FBLN5: variants seen among roughly 807,000 people sequenced by gnomAD.
FBLN5 encodes fibulin 5, also known as fibulin-5.
Under a neutral mutation model 61.6 loss-of-function variants are expected in FBLN5, and 24 were observed. The observed-to-expected ratio is 0.39, with a 90% CI of 0.28 to 0.55. The LOEUF is 0.55. Among genes scored for constraint, FBLN5 ranks in the 20% least tolerant of loss-of-function variants. FBLN5 has a pLI of 0.65. For synonymous variants in FBLN5, 213 were observed against 219.8 expected, an observed-to-expected ratio of 0.97 and a Z score of 0.27; for missense variants, 470 against 594.1, an observed-to-expected ratio of 0.79 and a Z score of 2.17.
chr14:91,911,054 G>C (rs1328626996), intron 4 of FBLN5, among the ~76,000 whole-genome samples: 2 of 151,762 alleles, frequency 1.3e-5, no homozygotes, highest in Non-Finnish European at 2.9e-5. Flanking sequence ...CACGATCTCA[G>C]CTCACTGCAA....
At position 91,882,878 on chromosome 14, in the gene FBLN5, A is replaced by G; in HGVS notation, c.862+76T>C. On this transcript the variant is annotated intron_variant, in intron 8 of 10. Coordinates refer to ENST00000342058, the MANE Select transcript of FBLN5 (RefSeq NM_006329.4). This position sits in a 1 kb window ranked among gnomAD's most constrained non-coding sequence, Gnocchi z 4.9. ...AAAGCTGCACATGATTCCCCAGGTG[A>G]GGATATCCAGATGAGCCCCTGAAGC... 6.5e-7 allele frequency: 1 copy of G among 1,530,378 alleles called. No homozygotes were observed. Among genetic ancestry groups the G allele is most frequent in the East Asian group, 2.3e-5 (1 of 43,578 alleles). 94.8% of individuals were successfully genotyped at this position (1,530,378 alleles called of 1,614,324 possible).
chr14:91,924,160 T>C (rs955265603), intron 4 of FBLN5, among the ~76,000 whole-genome samples: 1 of 152,156 alleles, frequency 6.6e-6, no homozygotes, highest in African/African-American at 2.4e-5. Flanking sequence ...ATTGCAAAAA[T>C]TTTAAAAATT....
chr14:91,932,491 C>T (rs2055941274), intron 4 of FBLN5, among the ~76,000 whole-genome samples: 1 of 152,220 alleles, frequency 6.6e-6, no homozygotes, highest in African/African-American at 2.4e-5. Flanking sequence ...GGATGAAGTG[C>T]TTCCTTGAAA....
chr14:91,941,349 C>T (rs3783937), intron 2 of FBLN5, among the ~76,000 whole-genome samples: 29,079 of 151,970 alleles, frequency 0.19, 3,215 homozygotes, highest in Middle Eastern at 0.35. Flanking sequence ...TCAACAATTC[C>T]AGAGGGTTGT....
chr14:91,885,243 A>C (rs2498841), intron 7 of FBLN5, among the ~76,000 whole-genome samples: 108,359 of 152,116 alleles, frequency 0.71, 39,096 homozygotes, highest in East Asian at 0.84. Context: ...ATCATGGAGA[A>C]CATGGAGGAC....
At chr14:91,898,211 C>CG (rs140311948) in intron 4 of FBLN5, among the ~76,000 whole-genome samples, 3,370 of 150,454 alleles carry the variant, frequency 0.022, 56 homozygotes, top group African/African-American at 0.045. Context: ...TTTTTTTTGG[C>CG]GGGGGGGGCG....
chr14:91,927,534 A>G (rs2055849900), intron 4 of FBLN5, among the ~76,000 whole-genome samples: 2 of 152,262 alleles, frequency 1.3e-5, no homozygotes, highest in Admixed American at 6.5e-5. Context: ...CCTTGACAAC[A>G]AAAGAGATGG....
intron 4 of FBLN5, among the ~76,000 whole-genome samples, chr14:91,931,888 C>A (rs1214116933): frequency 1.3e-5 from 2 of 152,186 alleles, no homozygotes; most frequent in Non-Finnish European, 2.9e-5. Flanking sequence ...GGTGCCCCAG[C>A]CACTCGGCAC....
intron 1 of FBLN5, chr14:91,946,695 C>T: frequency 6.5e-7 from 1 of 1,532,316 alleles, no homozygotes; most frequent in Non-Finnish European, 8.7e-7. Flanking sequence ...TAAAGAATAG[C>T]AAAACATTTG....
chr14:91,885,404 A>G (rs1182761480), intron 7 of FBLN5, among the ~76,000 whole-genome samples: 1 of 152,198 alleles, frequency 6.6e-6, no homozygotes, highest in Non-Finnish European at 1.5e-5. Context: ...GTGTCCAAAA[A>G]AAACCTCCTT....
intron 3 of FBLN5, among the ~76,000 whole-genome samples, chr14:91,939,142 T>G (rs948805926): frequency 2.6e-5 from 4 of 152,166 alleles, no homozygotes; most frequent in African/African-American, 9.7e-5. Flanking sequence ...AGCTAAATAC[T>G]TCCCCTAAGA....
chr14:91,871,209 A>G (rs1356121038), intron 10 of FBLN5, among the ~76,000 whole-genome samples: 1 of 124,122 alleles, frequency 8.1e-6, no homozygotes, highest in Non-Finnish European at 1.7e-5. Context: ...GGTTTGGACC[A>G]GATCAGTAAT....
At chr14:91,934,187 A>G (rs1440837342) in intron 4 of FBLN5, among the ~76,000 whole-genome samples, 1 of 152,198 alleles carries the variant, frequency 6.6e-6, no homozygotes, top group Non-Finnish European at 1.5e-5. Flanking sequence ...TAACAGCCAG[A>G]CCCTGTCTCA....
Position 91,877,714 on chromosome 14 carries a change from G to A in FBLN5, c.990-32C>T, listed in dbSNP as rs199809577. On this transcript the variant is annotated intron_variant, in intron 9 of 10. Coordinates refer to ENST00000342058, the MANE Select transcript of FBLN5 (RefSeq NM_006329.4). ...AAAGGGAAATCACGTGAGAACTCAAGAAATCCATTCCAGGTGCTGGCTGTG... is the reference window on the plus strand; with the variant it reads ...AAAGGGAAATCACGTGAGAACTCAAAAAATCCATTCCAGGTGCTGGCTGTG... 7.6e-6 allele frequency: 12 copies of A among 1,578,020 alleles called. No individual in the cohort carries two copies. The African/African-American group carries it at 1.3e-4, about 18-fold the overall frequency.
In FBLN5 at chr14:91,882,082, G is replaced by A. The variant is rs564426128; in HGVS notation, c.863-664C>T. Among the ~76,000 whole-genome samples the A allele has an allele frequency of 2.0e-5, 3 of 152,078 alleles. No individual in the cohort carries two copies. Among genetic ancestry groups the A allele is most frequent in the Admixed American group, 6.5e-5 (1 of 15,274 alleles). ...TGAGGCAGGAGAATTGCTTGAACCCGGGAGGCAGAGGCTGCAGTAAGCCAA... is the reference window on the plus strand; with the variant it reads ...TGAGGCAGGAGAATTGCTTGAACCCAGGAGGCAGAGGCTGCAGTAAGCCAA... On this transcript the variant is annotated intron_variant, in intron 8 of 10. Transcript: ENST00000342058. The surrounding 1 kb of genome is among the most constrained non-coding windows in gnomAD (Gnocchi z 4.9).
At chr14:91,902,983 A>G (rs1389936723) in intron 4 of FBLN5, among the ~76,000 whole-genome samples, 1 of 152,180 alleles carries the variant, frequency 6.6e-6, no homozygotes, top group Non-Finnish European at 1.5e-5. Context: ...AACTATGCTC[A>G]GTACCTGGGT....
At chr14:91,917,575 C>CAA (rs34458933) in intron 4 of FBLN5, among the ~76,000 whole-genome samples, 132 of 63,382 alleles carry the variant, frequency 2.1e-3, no homozygotes, top group Non-Finnish European at 2.4e-3. Flanking sequence ...GACTCCATCT[C>CAA]AAAAAAAAAA....
intron 10 of FBLN5, among the ~76,000 whole-genome samples, chr14:91,870,751 T>C (rs1373850756): frequency 6.6e-6 from 1 of 152,352 alleles, no homozygotes; most frequent in Non-Finnish European, 1.5e-5. Context: ...CACTAGGCTA[T>C]GAGTTCTGTA....
At chr14:91,886,997 T>C (rs1341599593) in intron 7 of FBLN5, among the ~76,000 whole-genome samples, 196 bp downstream of exon 7, 1 of 152,168 alleles carries the variant, frequency 6.6e-6, no homozygotes, top group Non-Finnish European at 1.5e-5. Flanking sequence ...ACAAGGAAGA[T>C]GAGACTCCAC....
Sources: gnomAD v4.1 joint callset for allele counts (sites outside exome capture counted in the v4.1 genomes callset) on GRCh38, gnomAD v4.1.1 for gene constraint, Gnocchi (gnomAD v3.1) non-coding constraint, MANE v1.5 for transcripts, NCBI Gene and HGNC (gene_info 2026-07-23, HGNC 2026-07-21) for gene names.